TMBIM1: variants seen among roughly 807,000 people sequenced by gnomAD.
TMBIM1 encodes the protein protein lifeguard 3.
Under a neutral mutation model 45.1 loss-of-function variants are expected in TMBIM1, and 34 were observed. That is an observed-to-expected ratio of 0.75 (90% CI 0.57 to 1.00). The LOEUF is 1.00. Among genes scored for constraint, TMBIM1 ranks in the 50% least tolerant of loss-of-function variants. The pLI, the probability that TMBIM1 is intolerant of heterozygous loss-of-function variation, is 0.00. For synonymous variants in TMBIM1, 157 were observed against 153.5 expected (o/e 1.02, Z -0.17); for missense variants, 374 against 402.4 (o/e 0.93, Z 0.60).
chr2:218,279,010 G>A, intron 5 of TMBIM1, 28 bp downstream of exon 5: 1 of 1,613,638 alleles, frequency 6.2e-7, no homozygotes, highest in Non-Finnish European at 8.5e-7. Flanking sequence ...CTGCCTCCCT[G>A]CCCAACCACA....
In TMBIM1 at chr2:218,281,950, G is replaced by A; in HGVS notation, c.192C>T (p.Pro64=). Residue 64 remains proline, a synonymous_variant, in exon 2 of 12, where the codon CCC becomes CCT. Transcript: ENST00000258412. ...CCTTCCAGGACTCACCGTAGTTCAT[G>A]GGCATCGGGTGGGTGGGGGGCATGG... is the stretch of plus-strand genomic sequence containing the variant. ...PQPMPPTHPM[P]MNYGPGHGYD... The A allele has an allele frequency of 6.3e-7, 1 of 1,597,980 alleles. No individual in the cohort carries two copies. The highest frequency in any genetic ancestry group is 2.3e-5 in the East Asian group (1 of 44,222).
In TMBIM1 at chr2:218,277,351, C is replaced by G. The variant is rs1341576136; in HGVS notation, c.639+15G>C. 1.9e-6 allele frequency: 3 copies of G among 1,611,002 alleles called. No individual in the cohort carries two copies. In the African/African-American group the frequency reaches 4.0e-5, roughly 22 times the overall value. ...GGGAGTCGGGGGGCCAGGGAAGGGC[C>G]CTCCATGCCCTCACCTTGGTCTGAA... On this transcript the variant is annotated intron_variant, in intron 9 of 11. Coordinates refer to ENST00000258412, the MANE Select transcript of TMBIM1 (RefSeq NM_022152.6).
intron 5 of TMBIM1, among the ~76,000 whole-genome samples, chr2:218,278,808 C>T (rs1691541420): frequency 6.6e-6 from 1 of 152,244 alleles, no homozygotes. Flanking sequence ...ATGGGGGCTG[C>T]AGCGCAGCGT....
At chr2:218,292,287 A>T (rs542338369) in intron 1 of TMBIM1, among the ~76,000 whole-genome samples, 179 bp downstream of exon 1, 2 of 152,198 alleles carry the variant, frequency 1.3e-5, no homozygotes, top group East Asian at 3.9e-4. Flanking sequence ...GGGAGAGCGA[A>T]ACGCCAAGGG....
Position 218,290,319 on chromosome 2 carries a change from C to T in TMBIM1, c.-41+2147G>A, listed in dbSNP as rs574831513. On this transcript the variant is annotated intron_variant, in intron 1 of 11. Transcript: ENST00000258412. ...TCCCTTAAGCCTGAGCCACTTTTATCGAGGCAAACCTATTAACACCCTGTG... is the reference window on the plus strand; with the variant it reads ...TCCCTTAAGCCTGAGCCACTTTTATTGAGGCAAACCTATTAACACCCTGTG... 3.9e-5 allele frequency among the ~76,000 whole-genome samples: 6 copies of T among 152,324 alleles called. No individual in the cohort carries two copies. The East Asian group carries it at 9.6e-4, about 24-fold the overall frequency.
chr2:218,277,886 G>C lies in TMBIM1; in HGVS notation c.513+49C>G, dbSNP rs1309883024. The C allele has an allele frequency of 2.5e-6, 4 of 1,611,692 alleles. No homozygotes were observed. In the Admixed American group the frequency reaches 6.7e-5, roughly 27 times the overall value. ...GGTCCCCATCCCTTCCCTGGGAGCA[G>C]TCTCCCTCACAGCATCTCCACACCC... On this transcript the variant is annotated intron_variant, in intron 7 of 11. Transcript: ENST00000258412.
chr2:218,275,968 C>T (rs1034254254), intron 11 of TMBIM1, 58 bp downstream of exon 11: 2 of 1,568,116 alleles, frequency 1.3e-6, no homozygotes. Flanking sequence ...TGCCCCCTTC[C>T]CTAGATTCCT....
chr2:218,290,434 C>T (rs557298532), intron 1 of TMBIM1, among the ~76,000 whole-genome samples: 5 of 152,322 alleles, frequency 3.3e-5, no homozygotes, highest in East Asian at 3.9e-4. Flanking sequence ...AACCTCTGTG[C>T]GTACACCCAG....
chr2:218,281,296 C>T (rs772769784), intron 2 of TMBIM1, among the ~76,000 whole-genome samples: 8 of 151,834 alleles, frequency 5.3e-5, no homozygotes, highest in Non-Finnish European at 7.4e-5. Context: ...CCACCACACC[C>T]GGCTAAGTTT....
Position 218,278,715 on chromosome 2 carries a change from C to A in TMBIM1, c.423-150G>T, listed in dbSNP as rs1366104051. 1.0e-5 allele frequency: 9 copies of A among 873,638 alleles called. No individual in the cohort carries two copies. The Admixed American group carries it at 1.3e-4, about 12-fold the overall frequency. The allele number at this position is 873,638 out of a possible 1,614,324, so 54.1% of individuals were successfully genotyped here. ...AAGCAAGAACGAGATTACCCCCAGC[C>A]AGGGTCACTGAGATGCTCTGAAGCA... On this transcript the variant is annotated intron_variant, in intron 5 of 11. Transcript: ENST00000258412.
At chr2:218,286,242 GT>G (rs1692499349) in intron 1 of TMBIM1, 1 of 151,970 alleles carries the variant, frequency 6.6e-6, no homozygotes, top group African/African-American at 2.4e-5. Context: ...GTTTCACCAT[GT>G]TGGCCAGGCT....
chr2:218,278,441 C>T (rs1396622320), intron 6 of TMBIM1, 74 bp downstream of exon 6: 3 of 1,468,336 alleles, frequency 2.0e-6, no homozygotes, highest in African/African-American at 2.8e-5. Flanking sequence ...TAAAGGAATC[C>T]TTCTTTCCAA....
chr2:218,278,483 C>T, intron 6 of TMBIM1, 32 bp downstream of exon 6: 4 of 1,609,464 alleles, frequency 2.5e-6, no homozygotes, highest in Admixed American at 3.3e-5. Context: ...TCCCTGTCAC[C>T]CCTCTCACTG....
rs141187799 is a variant in TMBIM1 at position 218,291,785 on chromosome 2, GGAT to G, written c.-41+678_-41+680del. Among the ~76,000 whole-genome samples the G allele has an allele frequency of 5.1e-3, 783 of 152,264 alleles. 9 individuals carry two copies. The highest frequency in any genetic ancestry group is 0.017 in the African/African-American group (692 of 41,552). On this transcript the variant is annotated intron_variant, in intron 1 of 11. Transcript: ENST00000258412. ...CTCTAACCCAAAGAAGTCACGAGGAGGATGTTACTCCCCTGTAGTTCTGTGAAC... is the reference window on the plus strand; with the variant it reads ...CTCTAACCCAAAGAAGTCACGAGGAGGTTACTCCCCTGTAGTTCTGTGAAC...
chr2:218,277,181 G>A, intron 9 of TMBIM1, 82 bp from the exon 10 acceptor site: 5 of 1,289,866 alleles, frequency 3.9e-6, no homozygotes, highest in East Asian at 2.3e-5. Flanking sequence ...GGGAGTCCCA[G>A]TGCTGCCTCC....
At chr2:218,278,374 A>G in intron 6 of TMBIM1, 141 bp downstream of exon 6, 2 of 847,330 alleles carry the variant, frequency 2.4e-6, no homozygotes, top group Admixed American at 4.0e-5. Flanking sequence ...ACACCTGAAC[A>G]GTAGCTGTCA....
At position 218,278,982 on chromosome 2, in the gene TMBIM1, A is replaced by G. The variant is rs574058420; in HGVS notation, c.422+56T>C. The G allele has an allele frequency of 6.9e-6, 11 of 1,604,712 alleles. No homozygotes were observed. In the South Asian group the frequency reaches 1.2e-4, roughly 18 times the overall value. ...GCCCTGAGCAAAGCTGGTCACCTAG[A>G]AACAGAAGCTGCCACCCCTGCCTCC... On this transcript the variant is annotated intron_variant, in intron 5 of 11. Coordinates refer to ENST00000258412, the MANE Select transcript of TMBIM1 (RefSeq NM_022152.6).
At chr2:218,279,211 C>T (rs1202598391) in intron 4 of TMBIM1, 78 bp downstream of exon 4, 2 of 1,556,520 alleles carry the variant, frequency 1.3e-6, no homozygotes, top group Non-Finnish European at 8.8e-7. Flanking sequence ...GAGCAGGGCC[C>T]ACCGCCACCC....
At chr2:218,287,562 T>C (rs1190963136) in intron 1 of TMBIM1, among the ~76,000 whole-genome samples, 1 of 151,854 alleles carries the variant, frequency 6.6e-6, no homozygotes, top group Admixed American at 6.6e-5. Flanking sequence ...TACAAAAAAT[T>C]AGCTGGGCGT....
Sources: allele counts gnomAD v4.1 joint callset (sites outside exome capture counted in the v4.1 genomes callset), GRCh38; gene constraint gnomAD v4.1.1; transcripts MANE v1.5; gene names NCBI Gene and HGNC (gene_info 2026-07-23, HGNC 2026-07-21).